ACTR3C: variants seen among roughly 807,000 people sequenced by gnomAD.
The protein encoded by ACTR3C is actin-related protein 3C.
In ACTR3C, 18 loss-of-function variants were observed where a neutral mutation model predicts 26.3. The ratio of observed to expected loss-of-function variants is 0.68; its 90% CI spans 0.47 to 1.01. The LOEUF (loss-of-function observed/expected upper bound fraction) is 1.01. Among genes scored for constraint, ACTR3C ranks in the 50% least tolerant of loss-of-function variants. The pLI, the probability that ACTR3C is intolerant of heterozygous loss-of-function variation, is 0.00. For synonymous variants in ACTR3C, 55 were observed against 94.5 expected (o/e 0.58, Z 2.42); for missense variants, 184 against 250.7 (o/e 0.73, Z 1.80).
chr7:150,085,980 CTTCT>C, the ACTR3C span, among the ~76,000 whole-genome samples: 1 of 149,034 alleles, frequency 6.7e-6, no homozygotes, highest in East Asian at 1.9e-4. Context: ...TTTTTTCTTT[CTTCT>C]TTTTTTTTTT....
At chr7:150,239,540 CTA>C (rs869280836), downstream of ACTR3C, among the ~76,000 whole-genome samples, 2,395 of 90,122 alleles carry the variant, frequency 0.027, 79 homozygotes, top group East Asian at 0.039. Context: ...CTCTCTCTCT[CTA>C]TATATATATA....
chr7:149,928,159 G>A, the ACTR3C span, among the ~76,000 whole-genome samples: 2 of 150,700 alleles, frequency 1.3e-5, no homozygotes, highest in Non-Finnish European at 3.0e-5. Context: ...AGATACTCAG[G>A]CAAAAAATAC....
chr7:150,291,952 GGGAGGCT>G (rs1181424583), intron 3 of ACTR3C, among the ~76,000 whole-genome samples: 1 of 151,306 alleles, frequency 6.6e-6, no homozygotes, highest in Non-Finnish European at 1.5e-5. Context: ...GTATGGGGGC[GGGAGGCT>G]GGCTTTTTTC....
At chr7:149,893,173 G>A in the ACTR3C span, among the ~76,000 whole-genome samples, 13 of 152,268 alleles carry the variant, frequency 8.5e-5, no homozygotes, top group East Asian at 2.5e-3. Flanking sequence ...TCTCCCATGA[G>A]CTATTTTCAT....
intron 4 of ACTR3C, among the ~76,000 whole-genome samples, chr7:150,286,848 C>T (rs71537934): frequency 0.17 from 24,976 of 149,132 alleles, 2,815 homozygotes; most frequent in South Asian, 0.3. Context: ...GAAAGCACCT[C>T]GTCTTGCCTT....
the ACTR3C span, among the ~76,000 whole-genome samples, chr7:150,161,825 A>T: frequency 6.6e-6 from 1 of 152,064 alleles, no homozygotes. Context: ...CTTCCTTGGG[A>T]CGTGTGACTT....
the ACTR3C span, among the ~76,000 whole-genome samples, chr7:150,084,903 G>A: frequency 6.6e-6 from 1 of 152,116 alleles, no homozygotes; most frequent in African/African-American, 2.4e-5. Flanking sequence ...GGCTGGGGCT[G>A]GATTGGTGCA....
chr7:150,149,002 T>C, the ACTR3C span, among the ~76,000 whole-genome samples: 1 of 150,084 alleles, frequency 6.7e-6, no homozygotes, highest in Non-Finnish European at 1.5e-5. Context: ...GCTGCCACTT[T>C]TGCCACCGTG....
the ACTR3C span, among the ~76,000 whole-genome samples, chr7:149,970,252 CTG>C: frequency 6.6e-6 from 1 of 151,502 alleles, no homozygotes; most frequent in African/African-American, 2.4e-5. Context: ...CAAGCAGAGA[CTG>C]AAGCATGCAG....
the ACTR3C span, among the ~76,000 whole-genome samples, chr7:150,180,218 T>G: frequency 4.7e-5 from 7 of 149,602 alleles, no homozygotes; most frequent in East Asian, 1.2e-3. Context: ...GGCGGGAGAA[T>G]GGCGTGAACC....
the ACTR3C span, among the ~76,000 whole-genome samples, chr7:150,083,999 C>A: frequency 6.6e-6 from 1 of 152,140 alleles, no homozygotes; most frequent in Non-Finnish European, 1.5e-5. Flanking sequence ...TAGAGCAAAT[C>A]AGTATGCTGA....
At chr7:149,937,523 C>G in the ACTR3C span, among the ~76,000 whole-genome samples, 2 of 152,120 alleles carry the variant, frequency 1.3e-5, no homozygotes, top group East Asian at 3.8e-4. Flanking sequence ...AATGAATAAA[C>G]AGGTAAAAAT....
At chr7:150,129,869 T>G in the ACTR3C span, among the ~76,000 whole-genome samples, 4 of 152,150 alleles carry the variant, frequency 2.6e-5, no homozygotes, top group African/African-American at 9.6e-5. Context: ...TAATCTAGAA[T>G]AGCCAAAACA....
the ACTR3C span, among the ~76,000 whole-genome samples, chr7:150,100,234 T>A: frequency 6.6e-6 from 1 of 151,504 alleles, no homozygotes; most frequent in East Asian, 1.9e-4. Flanking sequence ...CCAGAACCTC[T>A]CTGCATCAGC....
At chr7:150,072,882 G>A in the ACTR3C span, among the ~76,000 whole-genome samples, 1 of 152,020 alleles carries the variant, frequency 6.6e-6, no homozygotes, top group African/African-American at 2.4e-5. Context: ...TTATCATTTG[G>A]ATAAGGGGAA....
At chr7:149,931,881 T>G in the ACTR3C span, among the ~76,000 whole-genome samples, 769 of 152,342 alleles carry the variant, frequency 5.0e-3, 9 homozygotes, top group African/African-American at 0.018. Context: ...ATAAGGAAGC[T>G]CCAATATTTT....
chr7:150,167,018 G>GTGTATATA, the ACTR3C span, among the ~76,000 whole-genome samples: 12 of 147,192 alleles, frequency 8.2e-5, no homozygotes, highest in South Asian at 6.3e-4. Flanking sequence ...ATTCCACTGT[G>GTGTATATA]TATATATATA....
At chr7:149,972,506 A>G in the ACTR3C span, among the ~76,000 whole-genome samples, 14 of 152,010 alleles carry the variant, frequency 9.2e-5, no homozygotes, top group Non-Finnish European at 1.8e-4. Context: ...TACATGTCCC[A>G]TGACAAGCTG....
the ACTR3C span, among the ~76,000 whole-genome samples, chr7:149,999,643 G>A: frequency 7.3e-5 from 11 of 151,560 alleles, no homozygotes; most frequent in African/African-American, 2.7e-4. Flanking sequence ...ACAGCAAAGG[G>A]AGTGACTCAC....
Sources: allele counts gnomAD v4.1 joint callset (sites outside exome capture counted in the v4.1 genomes callset), GRCh38; gene constraint gnomAD v4.1.1; transcripts MANE v1.5; gene names NCBI Gene and HGNC (gene_info 2026-07-23, HGNC 2026-07-21).